The following SPIRE1 variants were observed in gnomAD, a reference collection of about 807,000 sequenced individuals.
SPIRE1 encodes spire type actin nucleation factor 1.
A neutral mutation model predicts 94.1 loss-of-function variants in SPIRE1; 40 were observed. The ratio of observed to expected loss-of-function variants is 0.43; its 90% CI spans 0.33 to 0.55. The LOEUF is 0.55. SPIRE1 is among the 20% of genes least tolerant of loss of function. SPIRE1 has a pLI of 0.06. For missense variants in SPIRE1, 838 were observed against 975.2 expected (o/e 0.86, Z 1.87); for synonymous variants, 376 against 371.7 (o/e 1.01, Z -0.13).
chr18:12,459,736 C>T lies in SPIRE1; in HGVS notation c.1638+3615G>A, dbSNP rs2031692285. 6 of 985,560 alleles carry T rather than the reference C, an allele frequency of 6.1e-6. No individual in the cohort carries two copies. In the South Asian group the frequency reaches 1.9e-4, roughly 31 times the overall value. The allele number at this position is 985,560 out of a possible 1,614,324, so 61.1% of individuals were successfully genotyped here. On this transcript the variant is annotated intron_variant, in intron 12 of 16. Transcript: ENST00000409402. ...TACAGAGAATGAAATAATCCCAGAC[C>T]CAGCAGAAAGAGGCCAACCTTTGAG...
chr18:12,447,317 T>C lies in SPIRE1; in HGVS notation c.*2321A>G, dbSNP rs2030983107. ...GAAACCAGGACACGGAAGGAAGAACTGGAAGCTATGCCTAAAGTCAGACCA... is the reference window on the plus strand; with the variant it reads ...GAAACCAGGACACGGAAGGAAGAACCGGAAGCTATGCCTAAAGTCAGACCA... On this transcript the variant is annotated 3_prime_UTR_variant, in exon 17 of 17. Transcript: ENST00000409402. The C allele has an allele frequency of 6.6e-6, 1 of 152,074 alleles. No individual in the cohort carries two copies. The highest frequency in any genetic ancestry group is 1.5e-5 in the Non-Finnish European group (1 of 68,044). The allele number at this position is 152,074 out of a possible 1,614,324, so 9.4% of individuals were successfully genotyped here.
At chr18:12,458,805 C>T (rs915261718) in intron 12 of SPIRE1, among the ~76,000 whole-genome samples, 3 of 152,116 alleles carry the variant, frequency 2.0e-5, no homozygotes, top group African/African-American at 7.2e-5. Context: ...TGCCCAAGAG[C>T]ACATCTAAAA....
intron 2 of SPIRE1, among the ~76,000 whole-genome samples, chr18:12,608,646 C>T (rs1392909533): frequency 6.6e-6 from 1 of 152,138 alleles, no homozygotes; most frequent in Non-Finnish European, 1.5e-5. Flanking sequence ...ATCTCTACTC[C>T]AGCCTTTGCA....
chr18:12,513,672 C>T (rs867769185), intron 4 of SPIRE1, among the ~76,000 whole-genome samples: 32 of 151,912 alleles, frequency 2.1e-4, no homozygotes, highest in African/African-American at 6.8e-4. Context: ...TACAGGCATG[C>T]GCCACCACGC....
At chr18:12,454,297 A>T in intron 13 of SPIRE1, 49 bp downstream of exon 13, 4 of 1,603,932 alleles carry the variant, frequency 2.5e-6, no homozygotes, top group Non-Finnish European at 3.4e-6. Context: ...TATGCATGGG[A>T]CTGGCCATCC....
chr18:12,621,234 T>G (rs1489112941), intron 2 of SPIRE1, among the ~76,000 whole-genome samples: 4 of 152,160 alleles, frequency 2.6e-5, no homozygotes, highest in Admixed American at 2.0e-4. Flanking sequence ...ATAACAAGTG[T>G]TGGCAAGGAT....
chr18:12,513,728 G>A (rs371009676), intron 4 of SPIRE1, among the ~76,000 whole-genome samples: 43 of 152,182 alleles, frequency 2.8e-4, no homozygotes, highest in African/African-American at 9.6e-4. Context: ...TCTCCATGTC[G>A]GTCAGGCTGT....
chr18:12,628,365 G>A (rs1209640827), intron 2 of SPIRE1, among the ~76,000 whole-genome samples: 3 of 152,134 alleles, frequency 2.0e-5, no homozygotes, highest in African/African-American at 7.2e-5. Context: ...TTATAGATGT[G>A]TGGTGTTATT....
intron 10 of SPIRE1, among the ~76,000 whole-genome samples, chr18:12,479,026 C>T (rs1490251657): frequency 6.6e-6 from 1 of 151,760 alleles, no homozygotes; most frequent in Admixed American, 6.6e-5. Context: ...AAATGTTTTT[C>T]TTAACTTTAT....
chr18:12,567,287 G>A (rs2035844363), intron 2 of SPIRE1, among the ~76,000 whole-genome samples: 1 of 151,984 alleles, frequency 6.6e-6, no homozygotes, highest in Non-Finnish European at 1.5e-5. Context: ...ATCTGTATAA[G>A]GAAAAATACA....
At chr18:12,521,224 C>T (rs749020484) in intron 4 of SPIRE1, among the ~76,000 whole-genome samples, 1 of 151,880 alleles carries the variant, frequency 6.6e-6, no homozygotes, top group Non-Finnish European at 1.5e-5. Context: ...TAAGATAAAC[C>T]GAGCTCAATA....
chr18:12,569,637 A>AAC (rs1555626061), intron 2 of SPIRE1, among the ~76,000 whole-genome samples: 491 of 25,754 alleles, frequency 0.019, 4 homozygotes, highest in African/African-American at 0.039. Context: ...CAACAACAAC[A>AAC]AAAAAAAAAA....
At chr18:12,503,112 A>T (rs1484780103) in intron 6 of SPIRE1, among the ~76,000 whole-genome samples, 1 of 124,634 alleles carries the variant, frequency 8.0e-6, no homozygotes, top group Non-Finnish European at 1.6e-5. Flanking sequence ...CTGTCTCAAA[A>T]AAAAAGAAAA....
intron 1 of SPIRE1, among the ~76,000 whole-genome samples, chr18:12,647,090 A>G (rs1367170580): frequency 2.6e-5 from 4 of 151,918 alleles, no homozygotes; most frequent in Non-Finnish European, 4.4e-5. Context: ...AAAAAGACCT[A>G]AGAGTCACAG....
chr18:12,513,585 G>A (rs1335243535), intron 4 of SPIRE1, among the ~76,000 whole-genome samples: 2 of 151,802 alleles, frequency 1.3e-5, no homozygotes, highest in Admixed American at 1.3e-4. Flanking sequence ...GTGCAATGGT[G>A]CAATCTCAGC....
At chr18:12,554,483 T>C (rs1377587001) in intron 2 of SPIRE1, among the ~76,000 whole-genome samples, 3 of 152,030 alleles carry the variant, frequency 2.0e-5, no homozygotes, top group Non-Finnish European at 4.4e-5. Flanking sequence ...TAATAAGTAA[T>C]GAGATCAAAG....
intron 12 of SPIRE1, among the ~76,000 whole-genome samples, chr18:12,461,583 GTATA>G (rs1223423391): frequency 1.4e-5 from 2 of 147,968 alleles, no homozygotes; most frequent in Non-Finnish European, 2.9e-5. Flanking sequence ...ACATACATAT[GTATA>G]TACATACATA....
chr18:12,463,330 C>T, intron 12 of SPIRE1, 21 bp downstream of exon 12: 2 of 1,585,240 alleles, frequency 1.3e-6, no homozygotes, highest in Non-Finnish European at 1.7e-6. Context: ...TAAGTTACTA[C>T]AAAGTCTTTC....
At chr18:12,454,816 GA>G (rs904548069) in intron 12 of SPIRE1, among the ~76,000 whole-genome samples, 6 of 151,956 alleles carry the variant, frequency 3.9e-5, no homozygotes, top group African/African-American at 1.2e-4. Flanking sequence ...TTGAAATCTT[GA>G]AAAAAATTTT....
Sources: allele counts gnomAD v4.1 joint callset (sites outside exome capture counted in the v4.1 genomes callset), GRCh38; gene constraint gnomAD v4.1.1; transcripts MANE v1.5; gene names NCBI Gene and HGNC (gene_info 2026-07-23, HGNC 2026-07-21).